PSME4: variants seen among roughly 807,000 people sequenced by gnomAD.
PSME4 encodes proteasome activator subunit 4.
A neutral mutation model predicts 253.9 loss-of-function variants in PSME4; 89 were observed. The ratio of observed to expected loss-of-function variants is 0.35; its 90% confidence interval spans 0.30 to 0.42. The LOEUF (loss-of-function observed/expected upper bound fraction) is 0.42. Among genes scored for constraint, PSME4 ranks in the 10% least tolerant of loss-of-function variants. The pLI, the probability that PSME4 is intolerant of heterozygous loss-of-function variation, is 1.00. For synonymous variants in PSME4, 851 were observed against 759.2 expected, an observed-to-expected ratio of 1.12 and a Z score of -1.99; for missense variants, 2,014 against 2,195.2, an observed-to-expected ratio of 0.92 and a Z score of 1.65.
At chr2:53,899,077 T>A (rs1189672157) in intron 29 of PSME4, among the ~76,000 whole-genome samples, 2 of 152,106 alleles carry the variant, frequency 1.3e-5, no homozygotes. Flanking sequence ...TTTTGTTTTG[T>A]TTATTTGAGA....
chr2:53,870,658 G>C (rs1458177425), intron 43 of PSME4: 2 of 151,956 alleles, frequency 1.3e-5, no homozygotes, highest in Admixed American at 6.6e-5. Context: ...TTACAGGCAT[G>C]AGCTACCGCA....
chr2:53,890,039 T>G, intron 37 of PSME4, 65 bp downstream of exon 37: 1 of 1,238,526 alleles, frequency 8.1e-7, no homozygotes, highest in Non-Finnish European at 1.2e-6. Flanking sequence ...TTCACACACT[T>G]TGAGAGACAG....
intron 29 of PSME4, 103 bp downstream of exon 29, chr2:53,899,778 A>AC (rs1427403315): frequency 2.2e-6 from 3 of 1,376,922 alleles, no homozygotes; most frequent in Non-Finnish European, 3.0e-6. Flanking sequence ...TGATCGTCTC[A>AC]CTGTACTCCA....
chr2:53,928,059 GAGA>G, intron 11 of PSME4, 55 bp downstream of exon 11: 2 of 1,379,078 alleles, frequency 1.5e-6, no homozygotes, highest in Non-Finnish European at 2.0e-6. Context: ...TTTTGTCACT[GAGA>G]AGTTTACTTT....
rs1329139284 is a variant in PSME4 at position 53,940,992 on chromosome 2, T to C, written c.501-992A>G. ...ATATATATATATATATATATATATA[T>C]ATATATATGAAAGGAGTAAGTTTCA... On this transcript the variant is annotated intron_variant, in intron 3 of 46. Transcript: ENST00000404125. Among the ~76,000 whole-genome samples the C allele has an allele frequency of 7.7e-5, 7 of 91,476 alleles. 1 individual carries two copies. The South Asian group carries it at 1.5e-3, about 19-fold the overall frequency. 60.0% of individuals were successfully genotyped at this position (91,476 alleles called of 152,430 possible). A position where few individuals can be genotyped will look rare whatever the true frequency, so the allele number is the denominator to read the frequency against.
chr2:53,874,930 C>T (rs1221432336), intron 42 of PSME4, among the ~76,000 whole-genome samples: 1 of 152,064 alleles, frequency 6.6e-6, no homozygotes, highest in Admixed American at 6.6e-5. Flanking sequence ...GGCAGCAGAG[C>T]GAACTCTGTC....
At chr2:53,944,388 G>C (rs184789737) in intron 3 of PSME4, among the ~76,000 whole-genome samples, 1 of 152,108 alleles carries the variant, frequency 6.6e-6, no homozygotes, top group African/African-American at 2.4e-5. Context: ...TCAAACTCCC[G>C]ACCTCAGATG....
chr2:53,923,271 C>T, intron 15 of PSME4, 50 bp downstream of exon 15: 1 of 1,541,044 alleles, frequency 6.5e-7, no homozygotes. Flanking sequence ...ACCATATAAA[C>T]TAGTTGATTG....
chr2:53,932,785 G>T (rs1437067040), intron 8 of PSME4, 25 bp from the exon 9 acceptor site: 1 of 1,557,270 alleles, frequency 6.4e-7, no homozygotes, highest in Admixed American at 1.7e-5. Context: ...GAGTAAAAAT[G>T]TCAGTACCCA....
rs891962428 is a variant in PSME4 at position 53,888,662 on chromosome 2, T to C, written c.4388+59A>G. The C allele has an allele frequency of 4.2e-6, 5 of 1,194,034 alleles. No homozygotes were observed. The African/African-American group carries it at 4.5e-5, about 11-fold the overall frequency. 74.0% of individuals were successfully genotyped at this position (1,194,034 alleles called of 1,614,324 possible). ...AGTATAGACCATTCATTTCCATTTA[T>C]ACATAAGTTAACACAAAACCTTTCG... is the stretch of plus-strand genomic sequence containing the variant. On this transcript the variant is annotated intron_variant, in intron 38 of 46. Transcript: ENST00000404125.
chr2:53,896,988 A>C (rs1558661463), intron 31 of PSME4, 103 bp from the exon 32 acceptor site: 1 of 862,984 alleles, frequency 1.2e-6, no homozygotes, highest in Non-Finnish European at 1.9e-6. Flanking sequence ...TCTTTAAAAA[A>C]ACACCTCGCC....
intron 1 of PSME4, among the ~76,000 whole-genome samples, chr2:53,955,743 G>C (rs950922374): frequency 1.2e-4 from 17 of 145,026 alleles, no homozygotes; most frequent in Non-Finnish European, 2.4e-4. Flanking sequence ...GCAACACTGC[G>C]AGACCTCGTG....
intron 1 of PSME4, among the ~76,000 whole-genome samples, chr2:53,960,050 G>C (rs1311919540): frequency 6.6e-6 from 1 of 152,178 alleles, no homozygotes; most frequent in Non-Finnish European, 1.5e-5. Context: ...CATCACTTAA[G>C]TTATACCCTG....
At chr2:53,894,765 C>G (rs895759684) in intron 34 of PSME4, among the ~76,000 whole-genome samples, 2 of 152,030 alleles carry the variant, frequency 1.3e-5, no homozygotes, top group Non-Finnish European at 2.9e-5. Flanking sequence ...AAGCAGTAGC[C>G]AACGGAGGGC....
At chr2:53,948,381 C>CCCTAAA (rs761483315) in intron 3 of PSME4, 40 bp downstream of exon 3, 1 of 1,336,550 alleles carries the variant, frequency 7.5e-7, no homozygotes, top group Non-Finnish European at 1.1e-6. Context: ...TAAAAAACCC[C>CCCTAAA]AAGTACTCCC....
intron 44 of PSME4, among the ~76,000 whole-genome samples, chr2:53,868,602 T>C (rs1369078048): frequency 7.3e-6 from 1 of 136,686 alleles, no homozygotes; most frequent in Non-Finnish European, 1.5e-5. Context: ...ATATATATAA[T>C]ATATATACAT....
chr2:53,880,532 G>A (rs1473325059), intron 41 of PSME4, among the ~76,000 whole-genome samples: 2 of 152,126 alleles, frequency 1.3e-5, no homozygotes, highest in Admixed American at 1.3e-4. Context: ...AGAGCCAGAG[G>A]TTCCATCAAC....
chr2:53,893,654 T>C lies in PSME4; in HGVS notation c.4038+20A>G. On this transcript the variant is annotated intron_variant, in intron 35 of 46. Coordinates refer to ENST00000404125, the MANE Select transcript of PSME4 (RefSeq NM_014614.3). ...TAGTTACTAAGCATTACAAAGAGGA[T>C]ATGTAAACAATATAGTTACCTTAAA... The C allele has an allele frequency of 6.2e-7, 1 of 1,604,814 alleles. No homozygotes were observed. Among genetic ancestry groups the C allele is most frequent in the Non-Finnish European group, 8.5e-7 (1 of 1,175,226 alleles).
At chr2:53,956,191 C>A (rs1670228353) in intron 1 of PSME4, among the ~76,000 whole-genome samples, 1 of 152,090 alleles carries the variant, frequency 6.6e-6, no homozygotes, top group Admixed American at 6.6e-5. Flanking sequence ...AACTGAGAAA[C>A]TTTTTTGTGT....
Sources: allele counts gnomAD v4.1 joint callset (sites outside exome capture counted in the v4.1 genomes callset), GRCh38; gene constraint gnomAD v4.1.1; transcripts MANE v1.5; gene names NCBI Gene and HGNC (gene_info 2026-07-23, HGNC 2026-07-21).